Variants in EHD3 observed in about 807,000 individuals in gnomAD.
EHD3 encodes EH domain containing 3.
A neutral mutation model predicts 43.0 loss-of-function variants in EHD3; 17 were observed. That is an observed-to-expected ratio of 0.40 (90% CI 0.27 to 0.59). The LOEUF (loss-of-function observed/expected upper bound fraction) is 0.59. Ranked by LOEUF, EHD3 falls within the 20% of genes least tolerant of loss-of-function variation. The pLI is 0.49. For missense variants in EHD3, 594 were observed against 705.6 expected (o/e 0.84, Z 1.79); for synonymous variants, 313 against 289.5 (o/e 1.08, Z -0.82).
At chr2:31,236,554 G>T (rs1558645704) in intron 1 of EHD3, among the ~76,000 whole-genome samples, 1 of 152,216 alleles carries the variant, frequency 6.6e-6, no homozygotes, top group Non-Finnish European at 1.5e-5. Context: ...AGTTTCCTTT[G>T]TGAGCCCTGG....
At position 31,266,440 on chromosome 2, in the gene EHD3, C is replaced by T. The variant is rs779019701; in HGVS notation, c.1344C>T (p.Tyr448=). 6.6e-5 allele frequency: 107 copies of T among 1,613,852 alleles called. 5 individuals are homozygous for T. In the South Asian group the frequency reaches 1.1e-3, roughly 17 times the overall value. Residue 448 remains tyrosine (Y), a synonymous_variant, in exon 6 of 6, where the codon TAC becomes TAT. Transcript: ENST00000322054. The surrounding 1 kb of genome is among the most constrained non-coding windows in gnomAD (Gnocchi z 5.1). ...EWVVARDKPM[Y]DEIFYTLSPV... is the part of the protein sequence containing the mutation. ...TGGTGGCCAGGGACAAGCCCATGTA[C>T]GACGAGATCTTCTACACCCTGTCAC... is the stretch of plus-strand genomic sequence containing the variant.
At chr2:31,246,338 G>A (rs962986739) in intron 2 of EHD3, among the ~76,000 whole-genome samples, 5 of 152,056 alleles carry the variant, frequency 3.3e-5, no homozygotes, top group Admixed American at 6.6e-5. Context: ...TCTGAGCAAG[G>A]GGGTAGGCAA....
intron 3 of EHD3, among the ~76,000 whole-genome samples, chr2:31,252,254 C>T (rs1366668993): frequency 2.0e-5 from 3 of 152,226 alleles, no homozygotes; most frequent in Non-Finnish European, 4.4e-5. Context: ...AGCCCTGGGT[C>T]TGGATCACCA....
At chr2:31,244,100 C>T (rs1478739830) in intron 1 of EHD3, among the ~76,000 whole-genome samples, 174 bp from the exon 2 acceptor site, 2 of 152,214 alleles carry the variant, frequency 1.3e-5, no homozygotes, top group African/African-American at 4.8e-5. Context: ...AATTCCACCT[C>T]CTCTACAAAG....
Position 31,234,289 on chromosome 2 carries a change from GGGA to G in EHD3, c.-332_-330del. 3 of 40,584 alleles carry G rather than the reference GGGA, an allele frequency of 7.4e-5. No individual in the cohort carries two copies. The highest frequency in any genetic ancestry group is 1.7e-4 in the Non-Finnish European group (3 of 17,366). 2.5% of individuals were successfully genotyped at this position (40,584 alleles called of 1,614,324 possible). A position where few individuals can be genotyped will look rare whatever the true frequency, so the allele number is the denominator to read the frequency against. On this transcript the variant is annotated 5_prime_UTR_variant, in exon 1 of 6. Coordinates refer to ENST00000322054, the MANE Select transcript of EHD3 (RefSeq NM_014600.3). ...GCAGGCGAGGGCTGGGGGCCGATCG[GGGA>G]CCCCGGCTTGGGACCCCGGCATCTG...
At chr2:31,242,238 G>A (rs1038670383) in intron 1 of EHD3, among the ~76,000 whole-genome samples, 2 of 152,232 alleles carry the variant, frequency 1.3e-5, no homozygotes, top group Non-Finnish European at 2.9e-5. Flanking sequence ...CCACCCCTCT[G>A]TGCAGACCAG....
Position 31,243,460 on chromosome 2 carries a change from C to CTTTTTTTTTTTT in EHD3, c.228-812_228-801dup, listed in dbSNP as rs1309146980. The stretch of plus-strand genomic sequence containing the variant: ...TCTTTCTTTCTTTCTTTCTTTCTTT[C>CTTTTTTTTTTTT]TTTTTTTTTTTTTGAGACAGAGTTT... On this transcript the variant is annotated intron_variant, in intron 1 of 5. Transcript: ENST00000322054. 3.5e-4 allele frequency among the ~76,000 whole-genome samples: 34 copies of CTTTTTTTTTTTT among 98,474 alleles called. 2 individuals are homozygous for CTTTTTTTTTTTT. Among genetic ancestry groups the CTTTTTTTTTTTT allele is most frequent in the East Asian group, 1.3e-3 (4 of 2,970 alleles). The allele number at this position is 98,474 out of a possible 152,430, so 64.6% of individuals were successfully genotyped here. A position where few individuals can be genotyped will look rare whatever the true frequency, so the allele number is the denominator to read the frequency against.
At chr2:31,261,939 G>A (rs762025508) in intron 5 of EHD3, among the ~76,000 whole-genome samples, 13 of 152,252 alleles carry the variant, frequency 8.5e-5, no homozygotes, top group Non-Finnish European at 1.8e-4. Flanking sequence ...CCCCAGTGGT[G>A]CAGGTGTGTT....
intron 1 of EHD3, among the ~76,000 whole-genome samples, chr2:31,241,662 T>C (rs1448351999): frequency 6.6e-6 from 1 of 152,210 alleles, no homozygotes; most frequent in South Asian, 2.1e-4. Flanking sequence ...TCAGTCAGTC[T>C]GAACGATTAC....
At chr2:31,243,456 C>CTTTTTTTTTTTT (rs1418621028) in intron 1 of EHD3, among the ~76,000 whole-genome samples, 3 of 93,316 alleles carry the variant, frequency 3.2e-5, no homozygotes, top group African/African-American at 1.5e-4. Flanking sequence ...TTCTTTCTTT[C>CTTTTTTTTTTTT]TTTCTTTTTT....
Position 31,266,299 on chromosome 2 carries a change from G to A in EHD3, c.1203G>A (p.Glu401=), listed in dbSNP as rs148671842. The change falls in exon 6 of 6, where the codon GAG becomes GAA. Residue 401 remains glutamate (E), a synonymous_variant. Transcript: ENST00000322054. The surrounding 1 kb of genome is among the most constrained non-coding windows in gnomAD (Gnocchi z 5.1). ...TCATGGTGCTAGTGCGCCAGGAGGAGTCACAGCGGCCCATCCAGATGGTGA... is the reference window on the plus strand; with the variant it reads ...TCATGGTGCTAGTGCGCCAGGAGGAATCACAGCGGCCCATCCAGATGGTGA... ...AQLMVLVRQE[E]SQRPIQMVKG... The A allele has an allele frequency of 1.8e-3, 2,836 of 1,614,222 alleles. 21 individuals are homozygous for A. The highest frequency in any genetic ancestry group is 2.0e-3 in the Non-Finnish European group (2,330 of 1,180,044).
chr2:31,241,824 G>A (rs1462022187), intron 1 of EHD3, among the ~76,000 whole-genome samples: 1 of 152,182 alleles, frequency 6.6e-6, no homozygotes, highest in Non-Finnish European at 1.5e-5. Context: ...AAGGTATTCT[G>A]AGAAGGCAGG....
At position 31,245,528 on chromosome 2, in the gene EHD3, AATATATAT is replaced by A. The variant is rs775189280; in HGVS notation, c.404+1097_404+1104del. Reference sequence around the variant, plus strand: ...AGGATTCTCGATGTCTCTTATCCCAAATATATATATATATATATATATATATTTTTTTT... The same window carrying A: ...AGGATTCTCGATGTCTCTTATCCCAAATATATATATATATATATTTTTTTT... On this transcript the variant is annotated intron_variant, in intron 2 of 5. Transcript: ENST00000322054. 2.7e-3 allele frequency among the ~76,000 whole-genome samples: 201 copies of A among 75,022 alleles called. 4 individuals carry two copies. The highest frequency in any genetic ancestry group is 8.5e-3 in the African/African-American group (144 of 17,004). 49.2% of individuals were successfully genotyped at this position (75,022 alleles called of 152,430 possible).
intron 2 of EHD3, 86 bp from the exon 3 acceptor site, chr2:31,249,283 TGA>T (rs1558648815): frequency 1.6e-6 from 2 of 1,228,154 alleles, no homozygotes; most frequent in Non-Finnish European, 2.4e-6. Flanking sequence ...GCAGCTCACC[TGA>T]GAGAGACAAG....
chr2:31,252,325 T>C (rs1246521558), intron 3 of EHD3, among the ~76,000 whole-genome samples: 1 of 152,148 alleles, frequency 6.6e-6, no homozygotes, highest in Non-Finnish European at 1.5e-5. Context: ...AATCCCAGAG[T>C]AATCTGTGTG....
At chr2:31,250,616 T>C (rs2148719445) in intron 3 of EHD3, among the ~76,000 whole-genome samples, 1 of 152,280 alleles carries the variant, frequency 6.6e-6, no homozygotes, top group East Asian at 1.9e-4. Flanking sequence ...TATCAAAAGC[T>C]AAAAACAACT....
At chr2:31,236,528 C>T (rs1245721837) in intron 1 of EHD3, among the ~76,000 whole-genome samples, 1 of 152,192 alleles carries the variant, frequency 6.6e-6, no homozygotes, top group Non-Finnish European at 1.5e-5. Flanking sequence ...TTCAGAGCTG[C>T]CTGGGTTGCC....
At chr2:31,263,472 AC>A (rs1329373777) in intron 5 of EHD3, among the ~76,000 whole-genome samples, 1 of 152,134 alleles carries the variant, frequency 6.6e-6, no homozygotes, top group African/African-American at 2.4e-5. Flanking sequence ...TAATGGGAGC[AC>A]CCACCATGCC....
intron 4 of EHD3, among the ~76,000 whole-genome samples, chr2:31,261,171 G>T (rs1683847692): frequency 6.6e-6 from 1 of 152,186 alleles, no homozygotes; most frequent in East Asian, 1.9e-4. Context: ...GCCTCTGTTT[G>T]CATCTGTAAA....
Sources: gnomAD v4.1 joint callset for allele counts (sites outside exome capture counted in the v4.1 genomes callset) on GRCh38, gnomAD v4.1.1 for gene constraint, Gnocchi (gnomAD v3.1) non-coding constraint, MANE v1.5 for transcripts, NCBI Gene and HGNC (gene_info 2026-07-23, HGNC 2026-07-21) for gene names.